The following XKR7 variants were observed in gnomAD, a reference collection of about 807,000 sequenced individuals.
XKR7 encodes XK related 7, also known as XK-related protein 7.
XKR7 carries 11 observed loss-of-function variants against 42.2 expected under a neutral mutation model. The ratio of observed to expected loss-of-function variants is 0.26; its 90% CI spans 0.16 to 0.43. The LOEUF (loss-of-function observed/expected upper bound fraction) is 0.43, where lower values mean the gene tolerates loss of function less well. Ranked by LOEUF, XKR7 falls within the 20% of genes least tolerant of loss-of-function variation. XKR7 has a pLI of 1.00. For missense variants in XKR7, 710 were observed against 802.2 expected (o/e 0.89, Z 1.39); for synonymous variants, 346 against 366.4 (o/e 0.94, Z 0.64).
intron 1 of XKR7, among the ~76,000 whole-genome samples, chr20:31,979,838 TTGGGCTAGAGTA>T (rs2064503107): frequency 6.6e-6 from 1 of 152,068 alleles, no homozygotes; most frequent in Non-Finnish European, 1.5e-5. Flanking sequence ...ACAAAAGGCC[TTGGGCTAGAGTA>T]TGGGGTCCTG....
At chr20:31,976,333 A>G (rs2122253531) in intron 1 of XKR7, among the ~76,000 whole-genome samples, 1 of 152,306 alleles carries the variant, frequency 6.6e-6, no homozygotes, top group African/African-American at 2.4e-5. Context: ...CAAACAATCA[A>G]TCATGTATTG....
At chr20:31,993,111 C>CACACACACAT (rs144007726) in intron 1 of XKR7, among the ~76,000 whole-genome samples, 2,024 of 150,646 alleles carry the variant, frequency 0.013, 44 homozygotes, top group African/African-American at 0.046. Flanking sequence ...CACACACACA[C>CACACACACAT]ACACATACAC....
At chr20:31,972,237 CT>C (rs60865395) in intron 1 of XKR7, among the ~76,000 whole-genome samples, 1,565 of 152,314 alleles carry the variant, frequency 0.01, 23 homozygotes, top group African/African-American at 0.034. Flanking sequence ...ACCCTCCCCC[CT>C]GGTGACTATT....
chr20:31,995,258 G>T lies in XKR7; in HGVS notation c.775G>T (p.Asp259Tyr), dbSNP rs1381940159. 1 of 1,537,008 alleles carries T rather than the reference G, an allele frequency of 6.5e-7. No individual in the cohort carries two copies. Among genetic ancestry groups the T allele is most frequent in the South Asian group, 1.2e-5 (1 of 83,782 alleles). The part of the protein sequence containing the change: ...SLLVHRGGAP[D>Y]LLPALSTSAS... Reference sequence around the variant, plus strand: ...GCTGGTGCACCGCGGTGGCGCGCCCGACCTGCTGCCGGGTGAGCCCGCCCC... The same window carrying T: ...GCTGGTGCACCGCGGTGGCGCGCCCTACCTGCTGCCGGGTGAGCCCGCCCC... The change falls in exon 2 of 3, where the codon GAC becomes TAC. Residue 259 changes from aspartate to tyrosine, a missense_variant. Physicochemically the swap from Asp to Tyr is radical, Grantham distance 160 (BLOSUM62 -3). Coordinates refer to ENST00000562532, the MANE Select transcript of XKR7 (RefSeq NM_001011718.2). The surrounding 1 kb of genome is among the most constrained non-coding windows in gnomAD (Gnocchi z 4.1).
At chr20:31,978,191 C>T (rs778280502) in intron 1 of XKR7, among the ~76,000 whole-genome samples, 22 of 152,104 alleles carry the variant, frequency 1.4e-4, no homozygotes, top group African/African-American at 3.1e-4. Context: ...CTCTAGCCTC[C>T]GCCTCCCAGA....
Position 31,996,899 on chromosome 20 carries a change from G to A in XKR7, c.1182G>A (p.Glu394=). 1 of 1,613,916 alleles carries A rather than the reference G, an allele frequency of 6.2e-7. No homozygotes were observed. The highest frequency in any genetic ancestry group is 8.5e-7 in the Non-Finnish European group (1 of 1,180,026). ...TCTACCACTGCATCGTCCTGCTGGA[G>A]AACGCCGCGCTCACCGGCTTCTGGT... ...MTLYHCIVLL[E]NAALTGFWYS... is the part of the protein sequence containing the mutation. The change falls in exon 3 of 3, where the codon GAG becomes GAA. Residue 394 remains glutamate, a synonymous_variant. Transcript: ENST00000562532.
intron 1 of XKR7, among the ~76,000 whole-genome samples, chr20:31,973,461 T>C (rs1294563245): frequency 6.6e-6 from 1 of 152,072 alleles, no homozygotes; most frequent in Admixed American, 6.6e-5. Context: ...ATATGGGATA[T>C]ATAATACCTG....
At position 31,998,610 on chromosome 20, in the gene XKR7, G is replaced by C. The variant is rs111763508; in HGVS notation, c.*1153G>C. 2.0e-5 allele frequency: 3 copies of C among 152,258 alleles called. No homozygotes were observed. Among genetic ancestry groups the C allele is most frequent in the African/African-American group, 7.2e-5 (3 of 41,536 alleles). The allele number at this position is 152,258 out of a possible 1,614,324, so 9.4% of individuals were successfully genotyped here. On this transcript the variant is annotated 3_prime_UTR_variant, in exon 3 of 3. Transcript: ENST00000562532. ...TCTAGGAATGGGTGCTCTCATTCTA[G>C]ACTTCTGGGGCTCATGGGAGCTCTA...
At chr20:31,989,260 G>C (rs572154014) in intron 1 of XKR7, among the ~76,000 whole-genome samples, 41 of 131,582 alleles carry the variant, frequency 3.1e-4, no homozygotes, top group Admixed American at 1.0e-3. Context: ...GACAAGTCTG[G>C]CTGAGTTTTA....
chr20:31,990,602 C>G lies in XKR7; in HGVS notation c.585-4466C>G, dbSNP rs118027480. ...ACTGTTTTAAGACCTTTGTGGGCAC[C>G]ACATCTATCAAGCATATTAAAATGC... On this transcript the variant is annotated intron_variant, in intron 1 of 2. Coordinates refer to ENST00000562532, the MANE Select transcript of XKR7 (RefSeq NM_001011718.2). 2.0e-3 allele frequency among the ~76,000 whole-genome samples: 303 copies of G among 152,286 alleles called. 4 individuals are homozygous for G. In the East Asian group the frequency reaches 0.044, roughly 22 times the overall value.
Position 32,001,079 on chromosome 20 carries a change from G to C in XKR7, c.*3622G>C, listed in dbSNP as rs1172698690. On this transcript the variant is annotated 3_prime_UTR_variant, in exon 3 of 3. Transcript: ENST00000562532. ...CCAGGCCTCTGGATAAGGGCTGAGGGAGCTGGGAATATCCAGGGAAGGTCT... is the reference window on the plus strand; with the variant it reads ...CCAGGCCTCTGGATAAGGGCTGAGGCAGCTGGGAATATCCAGGGAAGGTCT... The C allele has an allele frequency of 6.6e-6, 1 of 152,270 alleles. No individual in the cohort carries two copies. The highest frequency in any genetic ancestry group is 1.5e-5 in the Non-Finnish European group (1 of 68,082). The allele number at this position is 152,270 out of a possible 1,614,324, so 9.4% of individuals were successfully genotyped here.
rs944809866 is a variant in XKR7 at position 32,002,962 on chromosome 20, G to A, written c.*5505G>A. Reference sequence around the variant, plus strand: ...CAGCCCAAGGTCACACAGCAAGTTGGTGGCAGGGTGAGACCAGAACCCGGT... The same window carrying A: ...CAGCCCAAGGTCACACAGCAAGTTGATGGCAGGGTGAGACCAGAACCCGGT... On this transcript the variant is annotated 3_prime_UTR_variant, in exon 3 of 3. Coordinates refer to ENST00000562532, the MANE Select transcript of XKR7 (RefSeq NM_001011718.2). 6.6e-6 allele frequency: 1 copy of A among 152,196 alleles called. No homozygotes were observed. The highest frequency in any genetic ancestry group is 2.4e-5 in the African/African-American group (1 of 41,420). 9.4% of individuals were successfully genotyped at this position (152,196 alleles called of 1,614,324 possible).
At chr20:31,971,236 A>C (rs1042266381) in intron 1 of XKR7, among the ~76,000 whole-genome samples, 3 of 152,208 alleles carry the variant, frequency 2.0e-5, no homozygotes, top group Non-Finnish European at 4.4e-5. Flanking sequence ...TGGTCTGGTC[A>C]GGAGGCTGAC....
rs2064600426 is a variant in XKR7 at position 31,997,416 on chromosome 20, G to A, written c.1699G>A (p.Gly567Arg). 1 of 1,599,076 alleles carries A rather than the reference G, an allele frequency of 6.3e-7. No homozygotes were observed. Among genetic ancestry groups the A allele is most frequent in the Non-Finnish European group, 8.5e-7 (1 of 1,179,782 alleles). ...GCCCCGGTTGCAGTACCGGAGTGTG[G>A]GGACTTCCCAGGAGCTGCTGGAGTA... ...ATPRLQYRSV[G>R]TSQELLEYET... Residue 567 changes from glycine (G) to arginine (R), a missense_variant, in exon 3 of 3, where the codon GGG (glycine) becomes AGG (arginine). By Grantham distance (125) the Gly-to-Arg change is moderately radical. This residue lies in a region of XKR7 where 708 missense variants were observed against 786.2 expected (regional missense o/e 0.90). Coordinates refer to ENST00000562532, the MANE Select transcript of XKR7 (RefSeq NM_001011718.2).
At position 31,997,367 on chromosome 20, in the gene XKR7, A is replaced by C. The variant is rs778169243; in HGVS notation, c.1650A>C (p.Ala550=). Residue 550 remains alanine (A), a synonymous_variant, in exon 3 of 3, where the codon GCA becomes GCC. Transcript: ENST00000562532. ...IDRRLRKTIL[A]LEYSSPATPR... ...GCCGGCTCCGGAAGACCATCCTGGC[A>C]CTGGAGTACTCCTCACCTGCCACGC... The C allele has an allele frequency of 6.2e-7, 1 of 1,602,740 alleles. No homozygotes were observed. Among genetic ancestry groups the C allele is most frequent in the Non-Finnish European group, 8.5e-7 (1 of 1,179,966 alleles).
intron 1 of XKR7, among the ~76,000 whole-genome samples, chr20:31,982,204 T>G (rs1190762995): frequency 1.3e-5 from 2 of 152,182 alleles, no homozygotes; most frequent in Non-Finnish European, 2.9e-5. Flanking sequence ...TAGCACAGTT[T>G]GGGGTACATA....
At position 31,995,721 on chromosome 20, in the gene XKR7, C is replaced by T. The variant is rs949828275; in HGVS notation, c.787+451C>T. Among the ~76,000 whole-genome samples, 7 of 152,034 alleles carry T rather than the reference C, an allele frequency of 4.6e-5. No individual in the cohort carries two copies. Among genetic ancestry groups the T allele is most frequent in the African/African-American group, 1.7e-4 (7 of 41,378 alleles). ...ACCATCAGTTTCCAGAGAGCCTACC[C>T]CTTCACTGGGGGGCCCCGGGGGGCC... On this transcript the variant is annotated intron_variant, in intron 2 of 2. Transcript: ENST00000562532. The surrounding 1 kb of genome is among the most constrained non-coding windows in gnomAD (Gnocchi z 4.1).
chr20:31,981,317 G>A (rs148688993), intron 1 of XKR7, among the ~76,000 whole-genome samples: 422 of 151,716 alleles, frequency 2.8e-3, no homozygotes, highest in African/African-American at 8.9e-3. Flanking sequence ...CAGGGGTTGC[G>A]GCGAGCTGAG....
intron 1 of XKR7, among the ~76,000 whole-genome samples, chr20:31,993,971 G>A (rs1008532181): frequency 2.0e-5 from 3 of 152,232 alleles, no homozygotes; most frequent in African/African-American, 4.8e-5. Flanking sequence ...TCAGCAAGGA[G>A]GGAGAACATT....
Sources: gnomAD v4.1 joint callset for allele counts (sites outside exome capture counted in the v4.1 genomes callset) on GRCh38, gnomAD v4.1.1 for gene constraint, gnomAD v4.1.1 regional missense constraint, Gnocchi (gnomAD v3.1) non-coding constraint, MANE v1.5 for transcripts, NCBI Gene and HGNC (gene_info 2026-07-23, HGNC 2026-07-21) for gene names.